The following ARFGEF1 variants were observed in gnomAD, a reference collection of about 807,000 sequenced individuals.
The protein encoded by ARFGEF1 is brefeldin A-inhibited guanine nucleotide-exchange protein 1.
In ARFGEF1, 42 loss-of-function variants were observed where a neutral mutation model predicts 231.0. That is an observed-to-expected ratio of 0.18 (90% CI 0.14 to 0.24). The LOEUF is 0.24. Among genes scored for constraint, ARFGEF1 ranks in the 10% least tolerant of loss-of-function variants. The pLI is 1.00. For missense variants in ARFGEF1, 1,345 were observed against 2,192.0 expected, an observed-to-expected ratio of 0.61 and a Z score of 7.72; for synonymous variants, 710 against 732.3, an observed-to-expected ratio of 0.97 and a Z score of 0.49.
chr8:67,257,844 A>C lies in ARFGEF1; in HGVS notation c.2442-28T>G, dbSNP rs368787595. 5.2e-6 allele frequency: 8 copies of C among 1,549,774 alleles called. No individual in the cohort carries two copies. In the Admixed American group the frequency reaches 7.5e-5, roughly 15 times the overall value. ...GGAAAAATAAATGTATCATGTTATA[A>C]ACTTCTACTGTTTTATATAGTTTCA... On this transcript the variant is annotated intron_variant, in intron 16 of 38. Transcript: ENST00000262215.
At chr8:67,258,526 C>T (rs1439559538) in intron 15 of ARFGEF1, among the ~76,000 whole-genome samples, 2 of 152,016 alleles carry the variant, frequency 1.3e-5, no homozygotes, top group African/African-American at 4.8e-5. Context: ...CAGGGTTTCA[C>T]CATCTTGGCC....
intron 1 of ARFGEF1, among the ~76,000 whole-genome samples, chr8:67,339,604 G>A (rs1316875435): frequency 6.6e-6 from 1 of 151,790 alleles, no homozygotes; most frequent in African/African-American, 2.4e-5. Context: ...TGTCTCATCT[G>A]CCAGCAGATG....
chr8:67,313,029 AAAAGT>A, intron 1 of ARFGEF1, among the ~76,000 whole-genome samples: 1 of 152,354 alleles, frequency 6.6e-6, no homozygotes, highest in African/African-American at 2.4e-5. Flanking sequence ...AACAGAAAGC[AAAAGT>A]AAAGTAGCAG....
At chr8:67,255,055 A>G (rs1185725896) in intron 17 of ARFGEF1, among the ~76,000 whole-genome samples, 1 of 152,242 alleles carries the variant, frequency 6.6e-6, no homozygotes, top group Non-Finnish European at 1.5e-5. Context: ...GCATGGCAAA[A>G]TGTTTTAGCA....
intron 1 of ARFGEF1, among the ~76,000 whole-genome samples, chr8:67,310,972 C>CCGCCA (rs1806995451): frequency 5.9e-4 from 4 of 6,778 alleles, no homozygotes; most frequent in African/African-American, 1.5e-3. Context: ...AGGTGGGGCC[C>CCGCCA]GGGAGGGAGG....
At chr8:67,315,893 C>T (rs1317815828) in intron 1 of ARFGEF1, among the ~76,000 whole-genome samples, 1 of 151,760 alleles carries the variant, frequency 6.6e-6, no homozygotes, top group Non-Finnish European at 1.5e-5. Context: ...AGTCCCAAAT[C>T]TAAGCTCCCA....
intron 6 of ARFGEF1, 88 bp from the exon 7 acceptor site, chr8:67,288,153 C>T: frequency 1.4e-6 from 1 of 714,822 alleles, no homozygotes; most frequent in Non-Finnish European, 2.1e-6. Context: ...ACTCCTAAAT[C>T]ATGAGGAATA....
At chr8:67,329,594 TG>T (rs1808006976) in intron 1 of ARFGEF1, among the ~76,000 whole-genome samples, 1 of 150,310 alleles carries the variant, frequency 6.7e-6, no homozygotes, top group Admixed American at 6.6e-5. Context: ...TTTTAAAAAA[TG>T]GAAAGAGCTA....
chr8:67,214,725 C>G (rs1587056385), intron 33 of ARFGEF1, among the ~76,000 whole-genome samples: 1 of 152,102 alleles, frequency 6.6e-6, no homozygotes, highest in Admixed American at 6.5e-5. Context: ...TTTCTCTTAA[C>G]ACATACAGAA....
In ARFGEF1 at chr8:67,249,449, G is replaced by GT. The variant is rs557728959; in HGVS notation, c.2850+1849dup. Among the ~76,000 whole-genome samples, 55 of 149,844 alleles carry GT rather than the reference G, an allele frequency of 3.7e-4. 1 individual carries two copies. The East Asian group carries it at 9.1e-3, about 25-fold the overall frequency. ...GGGTTTATTGAGACATAATCCCATCGTAAGTCGAGGAGCATACAAGTCTGC... is the reference window on the plus strand; with the variant it reads ...GGGTTTATTGAGACATAATCCCATCGTTAAGTCGAGGAGCATACAAGTCTGC... On this transcript the variant is annotated intron_variant, in intron 19 of 38. Transcript: ENST00000262215.
intron 20 of ARFGEF1, 102 bp downstream of exon 20, chr8:67,240,060 G>GT: frequency 2.1e-6 from 3 of 1,462,588 alleles, no homozygotes; most frequent in Non-Finnish European, 1.9e-6. Flanking sequence ...CTTGAAATTA[G>GT]TTTTTAATGT....
intron 6 of ARFGEF1, among the ~76,000 whole-genome samples, chr8:67,291,385 C>T (rs1806002435): frequency 6.6e-6 from 1 of 150,780 alleles, no homozygotes; most frequent in Non-Finnish European, 1.5e-5. Flanking sequence ...CAGTTGGTTA[C>T]TCAAAAACTT....
chr8:67,296,708 T>C, intron 4 of ARFGEF1, 98 bp from the exon 5 acceptor site: 3 of 945,178 alleles, frequency 3.2e-6, no homozygotes, highest in Non-Finnish European at 3.1e-6. Context: ...TGGAGTGCAG[T>C]AGTGTGATCA....
At position 67,251,364 on chromosome 8, in the gene ARFGEF1, C is replaced by T; in HGVS notation, c.2785G>A (p.Val929Met). 3 of 1,612,358 alleles carry T rather than the reference C, an allele frequency of 1.9e-6. No homozygotes were observed. The highest frequency in any genetic ancestry group is 2.5e-6 in the Non-Finnish European group (3 of 1,179,024). ...GTAAAGGGTGCCTGAACATGGCTCA[C>T]GGCCTCCATGAGTGCTTTAGCTGTC... ...AKTAKALMEA[V>M]SHVQAPFTSA... is the part of the protein sequence containing the mutation. The change falls in exon 19 of 39, where the codon GTG becomes ATG. Residue 929 changes from valine to methionine, a missense_variant. Physicochemically the swap from Val to Met is conservative, Grantham distance 21 (BLOSUM62 1). This residue lies in a region of ARFGEF1 where 9 missense variants were observed against 58.7 expected (regional missense o/e 0.15). Coordinates refer to ENST00000262215, the MANE Select transcript of ARFGEF1 (RefSeq NM_006421.5).
chr8:67,251,523 A>C (rs1840283151), intron 18 of ARFGEF1, 73 bp from the exon 19 acceptor site: 1 of 1,337,548 alleles, frequency 7.5e-7, no homozygotes, highest in South Asian at 1.6e-5. Flanking sequence ...TTTACTATCA[A>C]ATAATAAACA....
Position 67,198,159 on chromosome 8 carries a change from T to C in ARFGEF1, c.*775A>G, listed in dbSNP as rs1285364906. The C allele has an allele frequency of 3.0e-6, 3 of 985,700 alleles. No individual in the cohort carries two copies. The African/African-American group carries it at 5.2e-5, about 17-fold the overall frequency. 61.1% of individuals were successfully genotyped at this position (985,700 alleles called of 1,614,324 possible). A position where few individuals can be genotyped will look rare whatever the true frequency, so the allele number is the denominator to read the frequency against. On this transcript the variant is annotated 3_prime_UTR_variant, in exon 39 of 39. Coordinates refer to ENST00000262215, the MANE Select transcript of ARFGEF1 (RefSeq NM_006421.5). ...CAGTAGGGATATTTTCTACCTTTTT[T>C]TCCCTATTGTTGAAGTGTCGGCCAC...
chr8:67,223,505 G>C (rs1393209328), intron 29 of ARFGEF1, among the ~76,000 whole-genome samples: 2 of 152,152 alleles, frequency 1.3e-5, no homozygotes, highest in Non-Finnish European at 2.9e-5. Context: ...TAAGATGGAA[G>C]CTAAATAGCA....
At position 67,328,287 on chromosome 8, in the gene ARFGEF1, T is replaced by G. The variant is rs138013955; in HGVS notation, c.124+14877A>C. ...TTTACAGTCTTAACAAACTGAACTATTCTTCTGGAAGCTTATTTTCTCTGC... is the reference window on the plus strand; with the variant it reads ...TTTACAGTCTTAACAAACTGAACTAGTCTTCTGGAAGCTTATTTTCTCTGC... On this transcript the variant is annotated intron_variant, in intron 1 of 38. Transcript: ENST00000262215. Among the ~76,000 whole-genome samples, 168 of 152,344 alleles carry G rather than the reference T, an allele frequency of 1.1e-3. 1 individual carries two copies. Among genetic ancestry groups the G allele is most frequent in the African/African-American group, 3.8e-3 (160 of 41,582 alleles).
At chr8:67,262,793 A>G (rs1804689592) in intron 14 of ARFGEF1, among the ~76,000 whole-genome samples, 1 of 152,238 alleles carries the variant, frequency 6.6e-6, no homozygotes, top group African/African-American at 2.4e-5. Flanking sequence ...TTTCAGCAAT[A>G]AAGTATTTTT....
Sources: allele counts gnomAD v4.1 joint callset (sites outside exome capture counted in the v4.1 genomes callset), GRCh38; gene constraint gnomAD v4.1.1; regional missense constraint gnomAD v4.1.1; transcripts MANE v1.5; gene names NCBI Gene and HGNC (gene_info 2026-07-23, HGNC 2026-07-21).